The following SOX6 variants were observed in gnomAD, a reference collection of about 807,000 sequenced individuals.
SOX6 encodes the protein SRY-box transcription factor 6, also known as transcription factor SOX-6.
Under a neutral mutation model 97.8 loss-of-function variants are expected in SOX6, and 11 were observed. That is an observed-to-expected ratio of 0.11 (90% CI 0.07 to 0.19). The LOEUF is 0.19. SOX6 is among the 10% of genes least tolerant of loss of function. The pLI is 1.00. For missense variants in SOX6, 810 were observed against 1,039.5 expected, an observed-to-expected ratio of 0.78 and a Z score of 3.04; for synonymous variants, 360 against 371.4, an observed-to-expected ratio of 0.97 and a Z score of 0.35.
At chr11:16,341,558 T>C (rs1021526829) in intron 1 of SOX6, among the ~76,000 whole-genome samples, 8 of 152,096 alleles carry the variant, frequency 5.3e-5, no homozygotes, top group Admixed American at 4.6e-4. Context: ...TTCCTCCTAG[T>C]TTTCTTAACT....
intron 6 of SOX6, among the ~76,000 whole-genome samples, chr11:16,157,841 C>T (rs1850642398): frequency 6.6e-6 from 1 of 151,944 alleles, no homozygotes; most frequent in African/African-American, 2.4e-5. Context: ...TGGACACCTT[C>T]CATCCTGGTT....
At chr11:16,547,863 T>C (rs1423870962) in intron 4 of SOX6, among the ~76,000 whole-genome samples, 1 of 152,176 alleles carries the variant, frequency 6.6e-6, no homozygotes, top group African/African-American at 2.4e-5. Context: ...ACACATTCTA[T>C]GCGTGTAACA....
chr11:16,208,358 A>G (rs901190394), intron 4 of SOX6, among the ~76,000 whole-genome samples: 2 of 152,202 alleles, frequency 1.3e-5, no homozygotes, highest in Admixed American at 6.5e-5. Context: ...TTCTAATAAT[A>G]CTATAATCTT....
chr11:16,180,403 C>G (rs1851315795), intron 6 of SOX6, among the ~76,000 whole-genome samples: 1 of 151,678 alleles, frequency 6.6e-6, no homozygotes, highest in Admixed American at 6.6e-5. Context: ...ATATTCCCAA[C>G]TCCAAAGATC....
chr11:16,293,849 C>T (rs569389798), intron 3 of SOX6, among the ~76,000 whole-genome samples: 21 of 152,098 alleles, frequency 1.4e-4, no homozygotes, highest in East Asian at 1.2e-3. Flanking sequence ...CAGTGAGAGA[C>T]GACCAGGCCC....
At position 16,275,471 on chromosome 11, in the gene SOX6, A is replaced by C. The variant is rs191219804; in HGVS notation, c.446-40800T>G. Among the ~76,000 whole-genome samples, 409 of 146,272 alleles carry C rather than the reference A, an allele frequency of 2.8e-3. 2 individuals carry two copies. The highest frequency in any genetic ancestry group is 0.017 in the South Asian group (76 of 4,472). On this transcript the variant is annotated intron_variant, in intron 3 of 15. Coordinates refer to ENST00000683767, the MANE Select transcript of SOX6 (RefSeq NM_001367873.1). ...ACTCAGTCTCAAAAAAGAACAAAAA[A>C]CAAAACAAAACAAAACAAAAAAACA...
chr11:16,055,706 A>G, intron 10 of SOX6, 46 bp downstream of exon 10: 1 of 1,612,698 alleles, frequency 6.2e-7, no homozygotes, highest in Non-Finnish European at 8.5e-7. Context: ...CTTTCTTGTG[A>G]AACTTTTTTC....
At chr11:16,279,549 T>A (rs976132172) in intron 3 of SOX6, among the ~76,000 whole-genome samples, 2 of 152,116 alleles carry the variant, frequency 1.3e-5, no homozygotes, top group Non-Finnish European at 2.9e-5. Flanking sequence ...AATTACAATG[T>A]TGCTTATTAA....
chr11:16,306,215 G>C (rs1308153302), intron 3 of SOX6, among the ~76,000 whole-genome samples: 5 of 152,098 alleles, frequency 3.3e-5, no homozygotes, highest in Non-Finnish European at 5.9e-5. Flanking sequence ...TTACCGCTGG[G>C]GGAAACCGGG....
Position 16,419,591 on chromosome 11 carries a change from A to G in SOX6, c.-5+56724T>C, listed in dbSNP as rs190583580. ...CTAAAATAAAAACATTGTTTTTGCA[A>G]TTTCTTACAGAGAAACACCCTCCCA... On this transcript the variant is annotated intron_variant, in intron 1 of 15. Transcript: ENST00000396356. Among the ~76,000 whole-genome samples, 1,263 of 152,232 alleles carry G rather than the reference A, an allele frequency of 8.3e-3. 11 individuals are homozygous for G. The highest frequency in any genetic ancestry group is 9.9e-3 in the Non-Finnish European group (671 of 68,012).
At chr11:16,150,340 A>G (rs1325354987) in intron 6 of SOX6, among the ~76,000 whole-genome samples, 1 of 152,212 alleles carries the variant, frequency 6.6e-6, no homozygotes, top group African/African-American at 2.4e-5. Context: ...TAGCACAAAT[A>G]GAAATGGCCC....
At chr11:16,222,449 A>C (rs142507856) in intron 4 of SOX6, among the ~76,000 whole-genome samples, 1 of 152,166 alleles carries the variant, frequency 6.6e-6, no homozygotes, top group African/African-American at 2.4e-5. Context: ...CCTATCTGCA[A>C]GCATTCCTCT....
intron 4 of SOX6, among the ~76,000 whole-genome samples, chr11:16,546,994 G>A (rs998052295): frequency 1.3e-5 from 2 of 152,092 alleles, no homozygotes; most frequent in African/African-American, 4.8e-5. Context: ...TGGCCAACAG[G>A]TATATGATTT....
intron 15 of SOX6, among the ~76,000 whole-genome samples, chr11:15,981,659 G>A (rs1311826523): frequency 6.6e-6 from 1 of 151,940 alleles, no homozygotes; most frequent in Non-Finnish European, 1.5e-5. Flanking sequence ...AAAAAAGCAT[G>A]GCTAATCTAT....
chr11:16,001,340 C>T (rs1428807435), intron 13 of SOX6, among the ~76,000 whole-genome samples: 1 of 152,180 alleles, frequency 6.6e-6, no homozygotes, highest in Non-Finnish European at 1.5e-5. Context: ...TCTTCATCCT[C>T]ATTACAATCT....
chr11:16,052,201 A>G (rs1847702981), intron 10 of SOX6, among the ~76,000 whole-genome samples: 1 of 152,114 alleles, frequency 6.6e-6, no homozygotes, highest in Admixed American at 6.6e-5. Flanking sequence ...GGGCATGGCT[A>G]TCACCTACCA....
At chr11:16,285,595 G>A (rs1016823311) in intron 3 of SOX6, among the ~76,000 whole-genome samples, 91 of 151,944 alleles carry the variant, frequency 6.0e-4, no homozygotes, top group African/African-American at 2.1e-3. Context: ...TAAATGTCAG[G>A]GTGTTTTTCA....
At chr11:16,433,912 A>G (rs1859320209) in intron 1 of SOX6, among the ~76,000 whole-genome samples, 1 of 152,090 alleles carries the variant, frequency 6.6e-6, no homozygotes, top group Non-Finnish European at 1.5e-5. Context: ...ACAGCTCTCA[A>G]TCATCTACAA....
Position 16,727,639 on chromosome 11 carries a change from T to C in SOX6, n.353+8700A>G, listed in dbSNP as rs952893953. Among the ~76,000 whole-genome samples, 4 of 151,616 alleles carry C rather than the reference T, an allele frequency of 2.6e-5. No homozygotes were observed. The East Asian group carries it at 5.8e-4, about 22-fold the overall frequency. On this transcript the variant is annotated intron_variant and non_coding_transcript_variant, in intron 2 of 5. Transcript: ENST00000524520. ...TTTTAGTAGAGATGGGGTTTCACCATCTTGGCCAGGCTGGTCTCGAATTCC... is the reference window on the plus strand; with the variant it reads ...TTTTAGTAGAGATGGGGTTTCACCACCTTGGCCAGGCTGGTCTCGAATTCC...
Sources: gnomAD v4.1 joint callset for allele counts (sites outside exome capture counted in the v4.1 genomes callset) on GRCh38, gnomAD v4.1.1 for gene constraint, MANE v1.5 for transcripts, NCBI Gene and HGNC (gene_info 2026-07-23, HGNC 2026-07-21) for gene names.